The following AJAP1 variants were observed in gnomAD, a reference collection of about 807,000 sequenced individuals.
The protein encoded by AJAP1 is adherens junction-associated protein 1.
In AJAP1, 5 loss-of-function variants were observed where a neutral mutation model predicts 35.0. The observed-to-expected ratio is 0.14, with a 90% CI of 0.07 to 0.30. The LOEUF is 0.30. AJAP1 is among the 10% of genes least tolerant of loss of function. The pLI is 1.00. For missense variants in AJAP1, 586 were observed against 571.0 expected (o/e 1.03, Z -0.27); for synonymous variants, 284 against 249.3 (o/e 1.14, Z -1.31).
chr1:4,766,050 A>G (rs1004975676), intron 2 of AJAP1, among the ~76,000 whole-genome samples: 19 of 152,222 alleles, frequency 1.2e-4, no homozygotes, highest in Non-Finnish European at 1.5e-5. Flanking sequence ...AAAACTAAGA[A>G]TATGCTTTTA....
intron 1 of AJAP1, among the ~76,000 whole-genome samples, chr1:4,694,815 G>C (rs1225468664): frequency 6.6e-6 from 1 of 152,240 alleles, no homozygotes; most frequent in African/African-American, 2.4e-5. Context: ...GGGAGCTTTA[G>C]GTTGTGAGCA....
intron 2 of AJAP1, among the ~76,000 whole-genome samples, chr1:4,741,577 T>C (rs382623): frequency 0.3 from 45,256 of 152,194 alleles, 7,090 homozygotes; most frequent in African/African-American, 0.35. Flanking sequence ...GACATGAACT[T>C]GGGGACACGT....
chr1:4,677,453 C>A (rs1639386078), intron 1 of AJAP1, among the ~76,000 whole-genome samples: 1 of 152,028 alleles, frequency 6.6e-6, no homozygotes, highest in Non-Finnish European at 1.5e-5. Context: ...ATAAACTCTT[C>A]AAATGCAGGA....
rs58022692 is a variant in AJAP1 at position 4,705,395 on chromosome 1, C to CTTTTTTTTTT, written c.30-6480_30-6471dup. ...AGCCAAATGGGGAAGTTTTGAAGAG[C>CTTTTTTTTTT]TTTTTTTTTTTTTTTTTTTTTTTTT... On this transcript the variant is annotated intron_variant, in intron 1 of 5. Transcript: ENST00000378191. 8.4e-5 allele frequency among the ~76,000 whole-genome samples: 2 copies of CTTTTTTTTTT among 23,802 alleles called. 1 individual carries two copies. The highest frequency in any genetic ancestry group is 1.5e-4 in the Non-Finnish European group (2 of 13,354). 15.6% of individuals were successfully genotyped at this position (23,802 alleles called of 152,430 possible).
intron 2 of AJAP1, among the ~76,000 whole-genome samples, chr1:4,712,981 G>C (rs1244252439): frequency 6.6e-6 from 1 of 152,152 alleles, no homozygotes; most frequent in East Asian, 1.9e-4. Context: ...GAATCCACCA[G>C]GTGCTGCAGC....
At chr1:4,733,282 C>T (rs189109764) in intron 2 of AJAP1, among the ~76,000 whole-genome samples, 27 of 151,976 alleles carry the variant, frequency 1.8e-4, no homozygotes, top group Admixed American at 1.5e-3. Context: ...CACGGGGAGC[C>T]GTGGGTCTGT....
At chr1:4,701,262 G>A (rs1008560467) in intron 1 of AJAP1, among the ~76,000 whole-genome samples, 5 of 152,190 alleles carry the variant, frequency 3.3e-5, no homozygotes, top group African/African-American at 9.7e-5. Flanking sequence ...AATATGCACC[G>A]TCTAGTCTCC....
intron 2 of AJAP1, among the ~76,000 whole-genome samples, chr1:4,735,511 T>G (rs540756995): frequency 6.6e-6 from 1 of 152,306 alleles, no homozygotes; most frequent in East Asian, 1.9e-4. Context: ...GCAGCTTTAT[T>G]CTGCCTGTGG....
At chr1:4,663,698 G>GCTGGTGTCGGGCGCAGAGA (rs60584333) in intron 1 of AJAP1, among the ~76,000 whole-genome samples, 1 of 151,652 alleles carries the variant, frequency 6.6e-6, no homozygotes, top group Non-Finnish European at 1.5e-5. Context: ...CAAGTTGTTA[G>GCTGGTGTCGGGCGCAGAGA]CTGCCCAGAC....
At chr1:4,740,512 A>G (rs945632285) in intron 2 of AJAP1, among the ~76,000 whole-genome samples, 26 of 151,756 alleles carry the variant, frequency 1.7e-4, no homozygotes, top group Non-Finnish European at 2.9e-4. Context: ...CTGGCCGGGC[A>G]CGGTGGCTCA....
chr1:4,778,571 ATCTCTCTCTCTCTCTCTC>A (rs141390632), intron 5 of AJAP1, among the ~76,000 whole-genome samples: 82 of 142,894 alleles, frequency 5.7e-4, no homozygotes, highest in African/African-American at 1.8e-3. Context: ...GATTGGCGCC[ATCTCTCTCTCTCTCTCTC>A]TCTCTCTCTC....
At chr1:4,704,428 A>G (rs1241409822) in intron 1 of AJAP1, among the ~76,000 whole-genome samples, 8 of 149,738 alleles carry the variant, frequency 5.3e-5, no homozygotes, top group African/African-American at 1.7e-4. Flanking sequence ...TGTCCTTGCG[A>G]TAGTTACTGA....
At chr1:4,739,167 G>A (rs1023613099) in intron 2 of AJAP1, among the ~76,000 whole-genome samples, 8 of 152,186 alleles carry the variant, frequency 5.3e-5, no homozygotes, top group Non-Finnish European at 1.2e-4. Context: ...GAGTCTTCTC[G>A]TCCTGGGGGT....
chr1:4,712,000 C>A lies in AJAP1; in HGVS notation c.130C>A (p.Leu44Met). Residue 44 changes from leucine (L) to methionine (M), a missense_variant, in exon 2 of 6, where the codon CTG (leucine) becomes ATG (methionine). By Grantham distance (15) the Leu-to-Met change is conservative. Coordinates refer to ENST00000378191, the MANE Select transcript of AJAP1 (RefSeq NM_018836.4). ...CGTGGACCTGCCCGCCTGTGAGGCC[C>A]TGGGCCCGGGGCCGGAGTTCTGGCT... ...LAVDLPACEALGPGPEFWLLP... is the reference protein window; with the variant it reads ...LAVDLPACEAMGPGPEFWLLP... The A allele has an allele frequency of 1.3e-6, 2 of 1,595,350 alleles. No individual in the cohort carries two copies. The highest frequency in any genetic ancestry group is 1.7e-6 in the Non-Finnish European group (2 of 1,174,000).
At chr1:4,657,034 T>A (rs1032956451) in intron 1 of AJAP1, among the ~76,000 whole-genome samples, 1 of 152,240 alleles carries the variant, frequency 6.6e-6, no homozygotes, top group African/African-American at 2.4e-5. Flanking sequence ...GGCCAGTGGC[T>A]GGTCTTCAGC....
chr1:4,705,203 G>C (rs1338127406), intron 1 of AJAP1, among the ~76,000 whole-genome samples: 1 of 151,932 alleles, frequency 6.6e-6, no homozygotes, highest in Admixed American at 6.6e-5. Context: ...GCTGAAACTG[G>C]ATCCCTTCCT....
At chr1:4,697,435 G>GT (rs1639889463) in intron 1 of AJAP1, among the ~76,000 whole-genome samples, 1 of 152,260 alleles carries the variant, frequency 6.6e-6, no homozygotes, top group African/African-American at 2.4e-5. Context: ...TGAGTTCCCT[G>GT]TCATGGTTTG....
At chr1:4,691,206 G>A (rs762034456) in intron 1 of AJAP1, among the ~76,000 whole-genome samples, 58 of 152,230 alleles carry the variant, frequency 3.8e-4, no homozygotes, top group Non-Finnish European at 1.0e-4. Flanking sequence ...CTCCATTCCT[G>A]TTTGGGAAAG....
Position 4,782,615 on chromosome 1 carries a change from C to T in AJAP1, c.*130C>T, listed in dbSNP as rs1642086950. 1 of 397,494 alleles carries T rather than the reference C, an allele frequency of 2.5e-6. No homozygotes were observed. Among genetic ancestry groups the T allele is most frequent in the Non-Finnish European group, 4.4e-6 (1 of 225,876 alleles). 24.6% of individuals were successfully genotyped at this position (397,494 alleles called of 1,614,324 possible). A position where few individuals can be genotyped will look rare whatever the true frequency, so the allele number is the denominator to read the frequency against. ...AAAAAAGACAAAACCTAAAACTGAG[C>T]TATCTAAGGGGGAGGGTCCCCGCAC... On this transcript the variant is annotated 3_prime_UTR_variant, in exon 6 of 6. Coordinates refer to ENST00000378191, the MANE Select transcript of AJAP1 (RefSeq NM_018836.4). This position sits in a 1 kb window ranked among gnomAD's most constrained non-coding sequence, Gnocchi z 5.3.
Sources: allele counts gnomAD v4.1 joint callset (sites outside exome capture counted in the v4.1 genomes callset), GRCh38; gene constraint gnomAD v4.1.1; non-coding constraint Gnocchi (gnomAD v3.1); transcripts MANE v1.5; gene names NCBI Gene and HGNC (gene_info 2026-07-23, HGNC 2026-07-21).